The following COL18A1 variants were observed in gnomAD, a reference collection of about 807,000 sequenced individuals.
COL18A1 encodes collagen alpha-1(XVIII) chain.
COL18A1 carries 133 observed loss-of-function variants against 168.0 expected under a neutral mutation model. The observed-to-expected ratio is 0.79, with a 90% confidence interval of 0.69 to 0.91. The LOEUF is 0.91. COL18A1 is among the 40% of genes least tolerant of loss of function. The pLI, the probability that COL18A1 is intolerant of heterozygous loss-of-function variation, is 0.00. For missense variants in COL18A1, 2,126 were observed against 1,925.4 expected (o/e 1.10, Z -1.95); for synonymous variants, 949 against 809.0 (o/e 1.17, Z -2.94).
chr21:45,505,741 G>T lies in COL18A1; in HGVS notation c.3088-97G>T, dbSNP rs1252690081. On this transcript the variant is annotated intron_variant, in intron 36 of 41. Coordinates refer to ENST00000651438, the MANE Select transcript of COL18A1 (RefSeq NM_001379500.1). The stretch of plus-strand genomic sequence containing the variant: ...GTCCACACCTGTCCAAAGCCCTGCG[G>T]CCCCTGCCCAGCACCCTGAAACGGG... 5.8e-6 allele frequency: 6 copies of T among 1,027,016 alleles called. No homozygotes were observed. In the Admixed American group the frequency reaches 1.2e-4, roughly 20 times the overall value. The allele number at this position is 1,027,016 out of a possible 1,614,324, so 63.6% of individuals were successfully genotyped here. A position where few individuals can be genotyped will look rare whatever the true frequency, so the allele number is the denominator to read the frequency against.
intron 2 of COL18A1, among the ~76,000 whole-genome samples, chr21:45,438,166 G>GTA (rs1328264429): frequency 3.1e-5 from 3 of 96,856 alleles, no homozygotes; most frequent in Non-Finnish European, 5.7e-5. Context: ...GCACTCTCCT[G>GTA]CATACACACA....
At chr21:45,467,237 G>C in intron 2 of COL18A1, 1 of 985,388 alleles carries the variant, frequency 1.0e-6, no homozygotes, top group Non-Finnish European at 1.2e-6. Flanking sequence ...TCTGGGCACC[G>C]GGGCTGCGTC....
At chr21:45,475,673 G>A (rs1202159219) in intron 5 of COL18A1, 138 bp downstream of exon 5, 2 of 808,924 alleles carry the variant, frequency 2.5e-6, no homozygotes, top group African/African-American at 3.4e-5. Flanking sequence ...CCTGGCTGGG[G>A]ACAGGGATGC....
At position 45,498,148 on chromosome 21, in the gene COL18A1, AG is replaced by A; in HGVS notation, c.2683+490del. On this transcript the variant is annotated intron_variant, in intron 32 of 41. Transcript: ENST00000651438. This position sits in a 1 kb window ranked among gnomAD's most constrained non-coding sequence, Gnocchi z 4.5. Reference sequence around the variant, plus strand: ...TCCCCCCTGAGCCCCACCTCCATTGAGGGTGGCAGGGCTGCTTGGATGTCCT... The same window carrying A: ...TCCCCCCTGAGCCCCACCTCCATTGAGGTGGCAGGGCTGCTTGGATGTCCT... The A allele has an allele frequency of 1.5e-6, 1 of 652,814 alleles. No individual in the cohort carries two copies. Among genetic ancestry groups the A allele is most frequent in the East Asian group, 2.7e-5 (1 of 36,872 alleles). The allele number at this position is 652,814 out of a possible 1,614,324, so 40.4% of individuals were successfully genotyped here. A position where few individuals can be genotyped will look rare whatever the true frequency, so the allele number is the denominator to read the frequency against.
intron 16 of COL18A1, 102 bp downstream of exon 16, chr21:45,487,094 G>C: frequency 8.4e-7 from 1 of 1,191,266 alleles, no homozygotes; most frequent in Non-Finnish European, 1.1e-6. Flanking sequence ...CGTCCTGGGC[G>C]GTGGCCTTGC....
At chr21:45,495,274 T>C in intron 28 of COL18A1, 84 bp from the exon 29 acceptor site, 1 of 1,189,874 alleles carries the variant, frequency 8.4e-7, no homozygotes, top group South Asian at 1.3e-5. Flanking sequence ...GGGCCTGGCG[T>C]GGGGCTAACG....
rs778307158 is a variant in COL18A1 at position 45,509,595 on chromosome 21, G to T, written c.3489G>T (p.Gln1163His). ...CCGCCCACAGCCACCGCGACTTCCA[G>T]CCGGTGGTGAGTGCCCCCCCAAAGT... ...SPPAHSHRDFQPVLHLVALNS... is the reference protein window; with the variant it reads ...SPPAHSHRDFHPVLHLVALNS... Residue 1163 changes from glutamine (Q) to histidine (H), a missense_variant, in exon 39 of 42, where the codon CAG (glutamine) becomes CAT (histidine). Physicochemically the swap from Gln to His is conservative, Grantham distance 24. Transcript: ENST00000651438. 6.7e-7 allele frequency: 1 copy of T among 1,484,726 alleles called. No individual in the cohort carries two copies. The highest frequency in any genetic ancestry group is 2.5e-5 in the East Asian group (1 of 39,968). The allele number at this position is 1,484,726 out of a possible 1,614,324, so 92.0% of individuals were successfully genotyped here.
At chr21:45,500,978 G>A (rs1274486210) in intron 32 of COL18A1, among the ~76,000 whole-genome samples, 2 of 34,996 alleles carry the variant, frequency 5.7e-5, no homozygotes, top group Non-Finnish European at 1.1e-4. Flanking sequence ...TGGGTGTGTA[G>A]TGTGGGGGTG....
At chr21:45,406,906 G>A (rs947957943) in intron 2 of COL18A1, among the ~76,000 whole-genome samples, 1 of 152,266 alleles carries the variant, frequency 6.6e-6, no homozygotes, top group Non-Finnish European at 1.5e-5. Flanking sequence ...CCTCAGCAGG[G>A]AAAGTTACGG....
chr21:45,425,797 C>T lies in COL18A1; in HGVS notation c.106+20324C>T, dbSNP rs116199800. 4.5e-3 allele frequency among the ~76,000 whole-genome samples: 690 copies of T among 151,828 alleles called. 4 individuals are homozygous for T. Among genetic ancestry groups the T allele is most frequent in the African/African-American group, 0.015 (637 of 41,354 alleles). Reference sequence around the variant, plus strand: ...ACTGTTTTCCAAAGCAAAGCCAGAGCGCCAAGGGCTCTCGGGATTCACGAG... The same window carrying T: ...ACTGTTTTCCAAAGCAAAGCCAGAGTGCCAAGGGCTCTCGGGATTCACGAG... On this transcript the variant is annotated intron_variant, in intron 2 of 41. Coordinates refer to ENST00000651438, the MANE Select transcript of COL18A1 (RefSeq NM_001379500.1). This position sits in a 1 kb window ranked among gnomAD's most constrained non-coding sequence, Gnocchi z 4.1.
At chr21:45,430,442 C>T (rs2033924870) in intron 2 of COL18A1, among the ~76,000 whole-genome samples, 3 of 152,128 alleles carry the variant, frequency 2.0e-5, no homozygotes, top group Non-Finnish European at 1.5e-5. Flanking sequence ...CACCCGGGTC[C>T]TCTGCTGCCT....
chr21:45,423,138 T>C lies in COL18A1; in HGVS notation c.106+17665T>C, dbSNP rs914113422. Among the ~76,000 whole-genome samples, 1 of 152,164 alleles carries C rather than the reference T, an allele frequency of 6.6e-6. No individual in the cohort carries two copies. The highest frequency in any genetic ancestry group is 1.5e-5 in the Non-Finnish European group (1 of 68,032). On this transcript the variant is annotated intron_variant, in intron 2 of 41. Coordinates refer to ENST00000651438, the MANE Select transcript of COL18A1 (RefSeq NM_001379500.1). This position sits in a 1 kb window ranked among gnomAD's most constrained non-coding sequence, Gnocchi z 4.0. ...CGAAGTGGTTTTAATGTCCCCACTTTTGACCACTTCTCCTTCTCCATAGGG... is the reference window on the plus strand; with the variant it reads ...CGAAGTGGTTTTAATGTCCCCACTTCTGACCACTTCTCCTTCTCCATAGGG...
Position 45,434,783 on chromosome 21 carries a change from G to A in COL18A1, c.106+29310G>A, listed in dbSNP as rs1461768304. Among the ~76,000 whole-genome samples, 3 of 149,266 alleles carry A rather than the reference G, an allele frequency of 2.0e-5. No homozygotes were observed. The East Asian group carries it at 6.2e-4, about 31-fold the overall frequency. On this transcript the variant is annotated intron_variant, in intron 2 of 41. Transcript: ENST00000651438. The stretch of plus-strand genomic sequence containing the variant: ...CCCACGTCTTGGCGGGGGTCCCGGT[G>A]GGTTGCAGCCCCCAGAGCCGGGCTT...
In COL18A1 at chr21:45,513,165, T is replaced by G. The variant is rs2037705956; in HGVS notation, c.*767T>G. 3 of 152,138 alleles carry G rather than the reference T, an allele frequency of 2.0e-5. No homozygotes were observed. The highest frequency in any genetic ancestry group is 6.5e-5 in the Admixed American group (1 of 15,278). 9.4% of individuals were successfully genotyped at this position (152,138 alleles called of 1,614,324 possible). On this transcript the variant is annotated 3_prime_UTR_variant, in exon 42 of 42. Transcript: ENST00000651438. ...CTGGGAGATTCAAGGGACCCATGAG[T>G]TGGGGTCTGGCAGCCTCCCATCCAG... is the stretch of plus-strand genomic sequence containing the variant.
In COL18A1 at chr21:45,498,137, C is replaced by T. The variant is rs2036605675; in HGVS notation, c.2683+476C>T. The T allele has an allele frequency of 2.3e-5, 15 of 643,656 alleles. No homozygotes were observed. In the South Asian group the frequency reaches 2.6e-4, roughly 11 times the overall value. The allele number at this position is 643,656 out of a possible 1,614,324, so 39.9% of individuals were successfully genotyped here. ...AGGACAAGAATTCCCCCCTGAGCCC[C>T]ACCTCCATTGAGGGTGGCAGGGCTG... On this transcript the variant is annotated intron_variant, in intron 32 of 41. Transcript: ENST00000651438. This position sits in a 1 kb window ranked among gnomAD's most constrained non-coding sequence, Gnocchi z 4.5.
At chr21:45,436,592 A>G (rs1247196803) in intron 2 of COL18A1, among the ~76,000 whole-genome samples, 3 of 143,736 alleles carry the variant, frequency 2.1e-5, no homozygotes, top group African/African-American at 7.5e-5. Flanking sequence ...GGAGGGGACC[A>G]TGGGACTGGA....
chr21:45,467,422 G>T, intron 2 of COL18A1: 1 of 985,400 alleles, frequency 1.0e-6, no homozygotes, highest in Non-Finnish European at 1.2e-6. Flanking sequence ...ACGTTGGCAG[G>T]TACGTCAGGC....
Position 45,512,710 on chromosome 21 carries a change from A to T in COL18A1, c.*312A>T, listed in dbSNP as rs1023910647. 6.2e-5 allele frequency: 27 copies of T among 438,806 alleles called. No homozygotes were observed. Among genetic ancestry groups the T allele is most frequent in the Non-Finnish European group, 1.1e-4 (26 of 237,880 alleles). 27.2% of individuals were successfully genotyped at this position (438,806 alleles called of 1,614,324 possible). ...CTTGGCCTGATCAGACCACGGCTCG[A>T]TTTCTCCAGGATTTCCTGCTTTGGG... On this transcript the variant is annotated 3_prime_UTR_variant, in exon 42 of 42. Transcript: ENST00000651438.
chr21:45,509,854 T>TGG (rs1424779379), intron 39 of COL18A1, among the ~76,000 whole-genome samples: 1 of 152,192 alleles, frequency 6.6e-6, no homozygotes, highest in Non-Finnish European at 1.5e-5. Context: ...CAGCGGCAGC[T>TGG]GGGGGCACCC....
Sources: gnomAD v4.1 joint callset for allele counts (sites outside exome capture counted in the v4.1 genomes callset) on GRCh38, gnomAD v4.1.1 for gene constraint, Gnocchi (gnomAD v3.1) non-coding constraint, MANE v1.5 for transcripts, NCBI Gene and HGNC (gene_info 2026-07-23, HGNC 2026-07-21) for gene names.